The following DMD variants were observed in gnomAD, a reference collection of about 807,000 sequenced individuals.
The protein encoded by DMD is mutant dystrophin.
Under a neutral mutation model 330.1 loss-of-function variants are expected in DMD, and 63 were observed. That is an observed-to-expected ratio of 0.19 (90% CI 0.16 to 0.24). The LOEUF (loss-of-function observed/expected upper bound fraction) is 0.24, where lower values mean the gene tolerates loss of function less well. DMD is among the 10% of genes least tolerant of loss of function. DMD has a pLI of 1.00. For missense variants in DMD, 3,344 were observed against 2,684.1 expected (o/e 1.25, Z -5.43); for synonymous variants, 1,223 against 959.8 (o/e 1.27, Z -5.07).
intron 1 of DMD, among the ~76,000 whole-genome samples, chrX:33,081,878 A>G (rs1439893601): frequency 9.2e-6 from 1 of 109,241 alleles, no homozygotes; most frequent in African/African-American, 3.5e-5. Context: ...ACCATCAGAT[A>G]ACACAATGAA....
At chrX:31,233,935 T>C (rs941164725) in intron 63 of DMD, among the ~76,000 whole-genome samples, 4 of 111,958 alleles carry the variant, frequency 3.6e-5, no homozygotes. Flanking sequence ...GCTCACATAA[T>C]GGTTTTTGAA....
intron 41 of DMD, among the ~76,000 whole-genome samples, chrX:32,341,278 T>C (rs1603631190): frequency 8.9e-6 from 1 of 111,824 alleles, no homozygotes; most frequent in Non-Finnish European, 1.9e-5. Flanking sequence ...TACTTTCTTC[T>C]ATAATTACAG....
At chrX:32,714,698 C>T (rs1183295127) in intron 7 of DMD, among the ~76,000 whole-genome samples, 3 of 111,661 alleles carry the variant, frequency 2.7e-5, no homozygotes, top group Non-Finnish European at 5.6e-5. Flanking sequence ...ACTTCCTTTC[C>T]TCATGTCTTT....
At chrX:32,421,529 G>T (rs1437592791) in intron 29 of DMD, among the ~76,000 whole-genome samples, 2 of 111,705 alleles carry the variant, frequency 1.8e-5, no homozygotes, top group Non-Finnish European at 3.8e-5. Context: ...GTGTTTATAT[G>T]AGCATAGGGA....
intron 52 of DMD, among the ~76,000 whole-genome samples, chrX:31,711,936 A>T (rs755594324): frequency 2.7e-5 from 3 of 110,982 alleles, no homozygotes; most frequent in African/African-American, 9.8e-5. Context: ...CATTTTGGGG[A>T]CTACACATAC....
chrX:32,539,210 C>T (rs1407023516), intron 17 of DMD, among the ~76,000 whole-genome samples: 3 of 100,976 alleles, frequency 3.0e-5, no homozygotes, highest in Non-Finnish European at 4.0e-5. Flanking sequence ...GTGTCTAAAG[C>T]GAAATTTGAA....
intron 16 of DMD, among the ~76,000 whole-genome samples, chrX:32,560,181 C>A (rs1054123159): frequency 1.1e-5 from 1 of 89,051 alleles, no homozygotes; most frequent in Non-Finnish European, 2.5e-5. Flanking sequence ...CCTTTAGACT[C>A]GCTTGAAAAA....
chrX:32,754,620 A>T (rs775604475), intron 7 of DMD, among the ~76,000 whole-genome samples: 14 of 111,464 alleles, frequency 1.3e-4, no homozygotes, highest in African/African-American at 3.9e-4. Context: ...CCAGTCTCAA[A>T]ACTTCTTTTC....
At chrX:31,151,284 A>C (rs1242699915) in intron 74 of DMD, among the ~76,000 whole-genome samples, 1 of 112,785 alleles carries the variant, frequency 8.9e-6, no homozygotes, top group Non-Finnish European at 1.9e-5. Context: ...TCATTAAAAG[A>C]AAACTTCAAC....
At chrX:31,142,535 T>C (rs2036192524) in intron 76 of DMD, among the ~76,000 whole-genome samples, 1 of 112,584 alleles carries the variant, frequency 8.9e-6, no homozygotes, top group Admixed American at 9.4e-5. Flanking sequence ...AGTTTTGCCA[T>C]AAGTTTGAAA....
intron 1 of DMD, among the ~76,000 whole-genome samples, chrX:33,249,083 T>A (rs1219677394): frequency 8.9e-6 from 1 of 112,922 alleles, no homozygotes; most frequent in East Asian, 2.8e-4. Flanking sequence ...GAAAGCTGTA[T>A]GAAAATAAGT....
intron 57 of DMD, among the ~76,000 whole-genome samples, chrX:31,494,544 G>T (rs1335411650): frequency 3.6e-5 from 4 of 111,318 alleles, no homozygotes; most frequent in African/African-American, 1.3e-4. Flanking sequence ...AACCAAGTGG[G>T]GACGGATTAA....
Position 33,190,987 on chromosome X carries a change from TA to T in DMD, c.31+20294del, listed in dbSNP as rs1405198651. Among the ~76,000 whole-genome samples the T allele has an allele frequency of 4.3e-3, 7 of 1,637 alleles. 2 individuals are homozygous for T. Among genetic ancestry groups the T allele is most frequent in the Non-Finnish European group, 9.1e-3 (7 of 769 alleles). 1.4% of individuals were successfully genotyped at this position (1,637 alleles called of 115,157 possible). A position where few individuals can be genotyped will look rare whatever the true frequency, so the allele number is the denominator to read the frequency against. ...TATATAATATATAATATTATATATA[TA>T]TATATAATATATAATATTATATATA... On this transcript the variant is annotated intron_variant, in intron 1 of 78. Coordinates refer to ENST00000357033, the MANE Select transcript of DMD (RefSeq NM_004006.3).
At chrX:31,917,492 T>C (rs1485237080) in intron 47 of DMD, among the ~76,000 whole-genome samples, 2 of 111,846 alleles carry the variant, frequency 1.8e-5, no homozygotes, top group African/African-American at 6.5e-5. Context: ...CAGTTTTTGG[T>C]GAATCAGTGA....
At chrX:31,749,621 T>C (rs2088282140) in intron 51 of DMD, among the ~76,000 whole-genome samples, 1 of 109,693 alleles carries the variant, frequency 9.1e-6, no homozygotes, top group Admixed American at 9.8e-5. Context: ...CATGTGTCTT[T>C]ATAGCAGCAT....
intron 41 of DMD, among the ~76,000 whole-genome samples, chrX:32,339,729 G>A (rs2097732070): frequency 8.9e-6 from 1 of 111,952 alleles, no homozygotes; most frequent in Non-Finnish European, 1.9e-5. Context: ...AACTCACTCA[G>A]CTCTCACATA....
At chrX:32,712,680 A>C (rs1286557377) in intron 7 of DMD, among the ~76,000 whole-genome samples, 4 of 111,334 alleles carry the variant, frequency 3.6e-5, no homozygotes, top group Non-Finnish European at 7.5e-5. Flanking sequence ...TTGTATATTC[A>C]TTGTAGGAGT....
intron 44 of DMD, among the ~76,000 whole-genome samples, chrX:32,063,726 T>C (rs1035171975): frequency 9.0e-6 from 1 of 111,255 alleles, no homozygotes; most frequent in Non-Finnish European, 1.9e-5. Context: ...TATGTATATA[T>C]ATTTGTGGGT....
At position 32,219,878 on chromosome X, in the gene DMD, G is replaced by C. The variant is rs750700673; in HGVS notation, c.6291-2815C>G. On this transcript the variant is annotated intron_variant, in intron 43 of 78. Coordinates refer to ENST00000357033, the MANE Select transcript of DMD (RefSeq NM_004006.3). ...TTGTTTCTCAATCACTCATCATATTGGTAATTGCCATCCTCTATCAAATTC... is the reference window on the plus strand; with the variant it reads ...TTGTTTCTCAATCACTCATCATATTCGTAATTGCCATCCTCTATCAAATTC... 7.2e-5 allele frequency among the ~76,000 whole-genome samples: 8 copies of C among 111,693 alleles called. No individual in the cohort carries two copies. In the South Asian group the frequency reaches 3.0e-3, roughly 42 times the overall value.
Sources: allele counts gnomAD v4.1 joint callset (sites outside exome capture counted in the v4.1 genomes callset), GRCh38; gene constraint gnomAD v4.1.1; transcripts MANE v1.5; gene names NCBI Gene and HGNC (gene_info 2026-07-23, HGNC 2026-07-21).